Variants in PRRX1 observed in about 807,000 individuals in gnomAD.
The protein encoded by PRRX1 is paired mesoderm homeobox protein 1.
PRRX1 carries 8 observed loss-of-function variants against 24.0 expected under a neutral mutation model. The observed-to-expected ratio is 0.33, with a 90% CI of 0.20 to 0.60. PRRX1 has a LOEUF of 0.60. Ranked by LOEUF, PRRX1 falls within the 20% of genes least tolerant of loss-of-function variation. The pLI is 0.82. For synonymous variants in PRRX1, 160 were observed against 131.7 expected, an observed-to-expected ratio of 1.22 and a Z score of -1.47; for missense variants, 281 against 322.4, an observed-to-expected ratio of 0.87 and a Z score of 0.98.
At chr1:170,707,638 C>T (rs1240189707) in intron 1 of PRRX1, among the ~76,000 whole-genome samples, 1 of 152,148 alleles carries the variant, frequency 6.6e-6, no homozygotes, top group African/African-American at 2.4e-5. Flanking sequence ...TTTAAAGGTG[C>T]TGACTTCTGA....
rs758418083 is a variant in PRRX1, at chr1:170,726,390, G to A, written c.588G>A (p.Ala196=). 4 of 1,613,836 alleles carry A rather than the reference G, an allele frequency of 2.5e-6. No homozygotes were observed. The highest frequency in any genetic ancestry group is 1.7e-4 in the Middle Eastern group (1 of 6,054). ...CCGATTATCTCTCCTGGGGGACAGCGTCTCCGTACAGGTGAATGACTGGCC... is the reference window on the plus strand; with the variant it reads ...CCGATTATCTCTCCTGGGGGACAGCATCTCCGTACAGGTGAATGACTGGCC... ...RPTDYLSWGT[A]SPYSAMATYS... The change falls in exon 3 of 4, where the codon GCG becomes GCA. Residue 196 remains alanine, a synonymous_variant. Transcript: ENST00000239461.
At chr1:170,711,472 G>A (rs1654749567) in intron 1 of PRRX1, among the ~76,000 whole-genome samples, 1 of 152,150 alleles carries the variant, frequency 6.6e-6, no homozygotes. Flanking sequence ...GTCCTTCTAA[G>A]AGCTGAGCTT....
At chr1:170,682,364 G>A (rs1226148024) in intron 1 of PRRX1, among the ~76,000 whole-genome samples, 2 of 88,428 alleles carry the variant, frequency 2.3e-5, no homozygotes, top group African/African-American at 6.3e-5. Flanking sequence ...GTAAGGTTTT[G>A]GTGCCTCAGT....
chr1:170,698,347 C>A (rs888861556), intron 1 of PRRX1, among the ~76,000 whole-genome samples: 2 of 152,094 alleles, frequency 1.3e-5, no homozygotes, highest in Non-Finnish European at 2.9e-5. Flanking sequence ...TATATAACCA[C>A]TTGAGAAAAA....
In PRRX1 at chr1:170,669,922, G is replaced by A. The variant is rs557120051; in HGVS notation, c.241+5463G>A. 1.3e-4 allele frequency among the ~76,000 whole-genome samples: 20 copies of A among 152,268 alleles called. No individual in the cohort carries two copies. The South Asian group carries it at 1.7e-3, about 13-fold the overall frequency. ...GAGAAGGAGATAAGGATTGCATTTCGCTTATTTTTCTACAGGTGATAGAAG... is the reference window on the plus strand; with the variant it reads ...GAGAAGGAGATAAGGATTGCATTTCACTTATTTTTCTACAGGTGATAGAAG... On this transcript the variant is annotated intron_variant, in intron 1 of 3. Transcript: ENST00000239461.
At chr1:170,671,544 C>T (rs987217124) in intron 1 of PRRX1, among the ~76,000 whole-genome samples, 1 of 152,248 alleles carries the variant, frequency 6.6e-6, no homozygotes, top group Non-Finnish European at 1.5e-5. Flanking sequence ...CGCGCTCCTC[C>T]CAGGCTGCGC....
At chr1:170,711,067 C>A (rs1654729799) in intron 1 of PRRX1, among the ~76,000 whole-genome samples, 1 of 152,116 alleles carries the variant, frequency 6.6e-6, no homozygotes, top group Non-Finnish European at 1.5e-5. Context: ...ATTTTTTAAA[C>A]AAAATTTGAA....
intron 3 of PRRX1, among the ~76,000 whole-genome samples, chr1:170,734,337 T>C (rs924720605): frequency 1.3e-5 from 2 of 152,028 alleles, no homozygotes; most frequent in Non-Finnish European, 2.9e-5. Flanking sequence ...TAGTTATCTG[T>C]CTATTCATTG....
chr1:170,682,921 C>A (rs1653603061), intron 1 of PRRX1, among the ~76,000 whole-genome samples: 1 of 152,214 alleles, frequency 6.6e-6, no homozygotes, highest in African/African-American at 2.4e-5. Flanking sequence ...AGGAAGTGAA[C>A]AGCAAGTGCA....
At chr1:170,671,569 C>A (rs1299370155) in intron 1 of PRRX1, among the ~76,000 whole-genome samples, 6 of 152,240 alleles carry the variant, frequency 3.9e-5, no homozygotes, top group Non-Finnish European at 8.8e-5. Flanking sequence ...ACCTATCCTG[C>A]CTTCAAAAAT....
At chr1:170,707,560 A>T (rs568401557) in intron 1 of PRRX1, among the ~76,000 whole-genome samples, 25 of 152,200 alleles carry the variant, frequency 1.6e-4, no homozygotes, top group Non-Finnish European at 3.2e-4. Context: ...TCATCCAACC[A>T]GTATATGTTT....
chr1:170,685,321 A>G (rs1653692733), intron 1 of PRRX1, among the ~76,000 whole-genome samples: 1 of 152,144 alleles, frequency 6.6e-6, no homozygotes, highest in South Asian at 2.1e-4. Flanking sequence ...GAGGTGGGTG[A>G]GGCCACAGCC....
At chr1:170,726,931 G>C (rs1323228922) in intron 3 of PRRX1, 1 of 152,988 alleles carries the variant, frequency 6.5e-6, no homozygotes, top group African/African-American at 2.4e-5. Flanking sequence ...CTATGACAGA[G>C]AGAGGAGGAA....
intron 3 of PRRX1, chr1:170,728,486 A>G (rs1029318294): frequency 6.6e-6 from 1 of 152,164 alleles, no homozygotes; most frequent in East Asian, 1.9e-4. Context: ...TTTAGTGTAT[A>G]TATTATTTTG....
rs1411693717 is a variant in PRRX1 at position 170,664,192 on chromosome 1, G to A, written c.-27G>A. ...GGTGTTGATTCGAGCGGGAAGAGGGGGGTGGGTGGGATCGGTGGGGGAGAC... is the reference window on the plus strand; with the variant it reads ...GGTGTTGATTCGAGCGGGAAGAGGGAGGTGGGTGGGATCGGTGGGGGAGAC... On this transcript the variant is annotated 5_prime_UTR_variant, in exon 1 of 4. Coordinates refer to ENST00000239461, the MANE Select transcript of PRRX1 (RefSeq NM_022716.4). 3 of 1,599,780 alleles carry A rather than the reference G, an allele frequency of 1.9e-6. No homozygotes were observed. The Admixed American group carries it at 5.1e-5, about 27-fold the overall frequency.
At position 170,689,841 on chromosome 1, in the gene PRRX1, T is replaced by C. The variant is rs199523135; in HGVS notation, c.241+25382T>C. ...CTCTCTCTCTCTCTCTCTCTCTCCC[T>C]CTCTCTCTCTCTCTCTCTCTCTCTC... On this transcript the variant is annotated intron_variant, in intron 1 of 3. Transcript: ENST00000239461. Among the ~76,000 whole-genome samples, 461 of 55,290 alleles carry C rather than the reference T, an allele frequency of 8.3e-3. 7 individuals are homozygous for C. The East Asian group carries it at 0.18, about 22-fold the overall frequency. The allele number at this position is 55,290 out of a possible 152,430, so 36.3% of individuals were successfully genotyped here. A position where few individuals can be genotyped will look rare whatever the true frequency, so the allele number is the denominator to read the frequency against.
rs188387567 is a variant in PRRX1, at chr1:170,676,678, A to G, written c.241+12219A>G. On this transcript the variant is annotated intron_variant, in intron 1 of 3. Coordinates refer to ENST00000239461, the MANE Select transcript of PRRX1 (RefSeq NM_022716.4). ...AGATAGGGCTAATTATTTTCATTTT[A>G]CAGATAGGAAAACTGTGGCTTGGAG... Among the ~76,000 whole-genome samples the G allele has an allele frequency of 4.5e-3, 687 of 152,298 alleles. 4 individuals carry two copies. The highest frequency in any genetic ancestry group is 0.015 in the African/African-American group (632 of 41,578).
chr1:170,673,657 C>G (rs1214953666), intron 1 of PRRX1, among the ~76,000 whole-genome samples: 1 of 152,208 alleles, frequency 6.6e-6, no homozygotes, highest in Non-Finnish European at 1.5e-5. Flanking sequence ...GCTTCGACCT[C>G]AAAATCAACA....
intron 3 of PRRX1, among the ~76,000 whole-genome samples, chr1:170,733,766 A>G (rs1276956711): frequency 6.6e-6 from 1 of 152,114 alleles, no homozygotes; most frequent in Non-Finnish European, 1.5e-5. Context: ...TTTCTCAGAT[A>G]CTTAGATCTT....
Sources: allele counts gnomAD v4.1 joint callset (sites outside exome capture counted in the v4.1 genomes callset), GRCh38; gene constraint gnomAD v4.1.1; transcripts MANE v1.5; gene names NCBI Gene and HGNC (gene_info 2026-07-23, HGNC 2026-07-21).